Variants in PHF24 observed in about 807,000 individuals in gnomAD.
The protein encoded by PHF24 is PHD finger protein 24.
In PHF24, 25 loss-of-function variants were observed where a neutral mutation model predicts 42.6. That is an observed-to-expected ratio of 0.59 (90% CI 0.43 to 0.82). PHF24 has a LOEUF of 0.82. Among genes scored for constraint, PHF24 ranks in the 40% least tolerant of loss-of-function variants. The pLI, the probability that PHF24 is intolerant of heterozygous loss-of-function variation, is 0.00. For missense variants in PHF24, 470 were observed against 538.1 expected (o/e 0.87, Z 1.25); for synonymous variants, 185 against 204.8 (o/e 0.90, Z 0.83).
the PHF24 span, among the ~76,000 whole-genome samples, chr9:34,673,911 G>A: frequency 2.0e-5 from 3 of 151,912 alleles, no homozygotes; most frequent in Admixed American, 1.3e-4. Context: ...GTGAGCCACC[G>A]CACCTGGCCA....
chr9:34,871,211 T>C, the PHF24 span, among the ~76,000 whole-genome samples: 1 of 152,248 alleles, frequency 6.6e-6, no homozygotes, highest in Admixed American at 6.5e-5. Flanking sequence ...GGAACATCTT[T>C]TCACATGTTT....
the PHF24 span, among the ~76,000 whole-genome samples, chr9:34,795,025 C>G: frequency 3.9e-5 from 6 of 151,928 alleles, no homozygotes; most frequent in Admixed American, 3.9e-4. Context: ...TGCTCAGCCA[C>G]ATAATAACTA....
chr9:34,829,623 C>T, the PHF24 span, among the ~76,000 whole-genome samples: 1 of 152,196 alleles, frequency 6.6e-6, no homozygotes, highest in Non-Finnish European at 1.5e-5. Context: ...AAAGATGTAA[C>T]GCTTTCTCTG....
At chr9:34,852,131 A>G in the PHF24 span, among the ~76,000 whole-genome samples, 9 of 152,292 alleles carry the variant, frequency 5.9e-5, no homozygotes, top group Admixed American at 2.0e-4. Flanking sequence ...ATAATGATCC[A>G]CTTCCACTTA....
At chr9:34,832,815 G>A in the PHF24 span, 6 of 1,551,562 alleles carry the variant, frequency 3.9e-6, no homozygotes, top group South Asian at 2.4e-5. Context: ...TGAAGCTGGG[G>A]CACCACAGTC....
At chr9:34,728,834 T>C in the PHF24 span, among the ~76,000 whole-genome samples, 5 of 152,252 alleles carry the variant, frequency 3.3e-5, no homozygotes, top group African/African-American at 1.2e-4. Context: ...CTTCTCTGCT[T>C]ATTTTGGATT....
At chr9:34,762,031 AT>A in the PHF24 span, among the ~76,000 whole-genome samples, 1 of 151,658 alleles carries the variant, frequency 6.6e-6, no homozygotes, top group African/African-American at 2.4e-5. Context: ...TGAACTCATC[AT>A]TTTTTATGGC....
At chr9:34,971,139 A>G (rs1826960814) in intron 1 of PHF24, among the ~76,000 whole-genome samples, 156 bp from the exon 2 acceptor site, 1 of 152,166 alleles carries the variant, frequency 6.6e-6, no homozygotes, top group Non-Finnish European at 1.5e-5. Flanking sequence ...AGTAGAACCA[A>G]CATCTTCTGA....
the PHF24 span, among the ~76,000 whole-genome samples, chr9:34,854,192 ATCTATTT>A: frequency 1.4e-5 from 1 of 69,862 alleles, no homozygotes. Flanking sequence ...CTAGCAGTCT[ATCTATTT>A]TTTTTTTTTT....
chr9:34,849,139 C>G, the PHF24 span, among the ~76,000 whole-genome samples: 6 of 152,214 alleles, frequency 3.9e-5, no homozygotes, highest in East Asian at 1.2e-3. Flanking sequence ...GAGCTGAGTT[C>G]AATTCCTGGG....
chr9:34,672,272 CTG>C, the PHF24 span, among the ~76,000 whole-genome samples: 2 of 151,886 alleles, frequency 1.3e-5, no homozygotes, highest in Non-Finnish European at 2.9e-5. Context: ...GACTGAAGAA[CTG>C]AGTATGTATC....
intron 2 of PHF24, 49 bp downstream of exon 2, chr9:34,971,725 G>A: frequency 1.3e-6 from 2 of 1,549,898 alleles, no homozygotes; most frequent in Non-Finnish European, 1.7e-6. Flanking sequence ...GCATCAGGGA[G>A]CAGGACAGGG....
the PHF24 span, chr9:34,690,266 G>T: frequency 1.2e-6 from 2 of 1,613,948 alleles, no homozygotes. Context: ...AGTTCCTCAC[G>T]ATGTACCCAG....
At chr9:34,743,384 C>T in the PHF24 span, among the ~76,000 whole-genome samples, 2 of 152,218 alleles carry the variant, frequency 1.3e-5, no homozygotes, top group African/African-American at 4.8e-5. Context: ...GGGTTAACCC[C>T]TCTAGAGCGT....
chr9:34,809,998 G>GCGCCGCCGCCGCCCACGCGC, the PHF24 span, among the ~76,000 whole-genome samples: 58 of 149,686 alleles, frequency 3.9e-4, no homozygotes, highest in African/African-American at 3.2e-4. This position sits in a 1 kb window ranked among gnomAD's most constrained non-coding sequence, Gnocchi z 4.1. Flanking sequence ...GTGGGCGCAC[G>GCGCCGCCGCCGCCCACGCGC]CGCCGCCGCC....
the PHF24 span, among the ~76,000 whole-genome samples, chr9:34,929,905 A>G: frequency 6.6e-6 from 1 of 152,116 alleles, no homozygotes; most frequent in Non-Finnish European, 1.5e-5. Context: ...GAAGCTTTAC[A>G]TTGTAACCCT....
the PHF24 span, among the ~76,000 whole-genome samples, chr9:34,683,268 C>T: frequency 6.6e-6 from 1 of 152,204 alleles, no homozygotes; most frequent in Admixed American, 6.5e-5. Flanking sequence ...GCCATGTTGG[C>T]CAAGCTGGTC....
At chr9:34,776,732 T>A in the PHF24 span, among the ~76,000 whole-genome samples, 1 of 152,254 alleles carries the variant, frequency 6.6e-6, no homozygotes, top group African/African-American at 2.4e-5. Flanking sequence ...TGGTGAATTA[T>A]TGAATTCCTT....
intron 1 of PHF24, among the ~76,000 whole-genome samples, chr9:34,969,134 G>A (rs1826881446): frequency 6.6e-6 from 1 of 152,234 alleles, no homozygotes; most frequent in South Asian, 2.1e-4. Flanking sequence ...GCCAGACCAT[G>A]CAGGGCCTCA....
Sources: gnomAD v4.1 joint callset for allele counts (sites outside exome capture counted in the v4.1 genomes callset) on GRCh38, gnomAD v4.1.1 for gene constraint, Gnocchi (gnomAD v3.1) non-coding constraint, MANE v1.5 for transcripts, NCBI Gene and HGNC (gene_info 2026-07-23, HGNC 2026-07-21) for gene names.